Variants in INSL3 observed in about 807,000 individuals in gnomAD.
INSL3 encodes insulin-like 3.
INSL3 carries 6 observed loss-of-function variants against 5.5 expected under a neutral mutation model. That is an observed-to-expected ratio of 1.08 (90% CI 0.59 to 2.14). The LOEUF (loss-of-function observed/expected upper bound fraction) is 2.14. INSL3 is among the 30% of genes most tolerant of loss of function. The pLI, the probability that INSL3 is intolerant of heterozygous loss-of-function variation, is 0.00. For synonymous variants in INSL3, 86 were observed against 82.1 expected (o/e 1.05, Z -0.26); for missense variants, 178 against 184.7 (o/e 0.96, Z 0.21).
At chr19:17,818,728 G>T (rs560273818) in intron 1 of INSL3, among the ~76,000 whole-genome samples, 2 of 152,204 alleles carry the variant, frequency 1.3e-5, no homozygotes, top group African/African-American at 4.8e-5. Context: ...GTTTCCAGGG[G>T]ATACTTGTCT....
chr19:17,817,202 G>A, intron 1 of INSL3, 143 bp from the exon 2 acceptor site: 3 of 859,914 alleles, frequency 3.5e-6, no homozygotes, highest in South Asian at 1.4e-5. Context: ...CACTGGCCGG[G>A]TGCAGTGGCT....
intron 1 of INSL3, among the ~76,000 whole-genome samples, chr19:17,817,547 A>G (rs2094189718): frequency 1.3e-5 from 2 of 149,502 alleles, no homozygotes; most frequent in East Asian, 2.0e-4. Context: ...TAATCCCAGC[A>G]CTTTGGGAGG....
rs141871618 is a variant in INSL3 at position 17,817,006 on chromosome 19, C to T, written c.244G>A (p.Asp82Asn). 48 of 1,613,834 alleles carry T rather than the reference C, an allele frequency of 3.0e-5. No homozygotes were observed. Among genetic ancestry groups the T allele is most frequent in the Admixed American group, 1.8e-4 (11 of 60,010 alleles). The stretch of plus-strand genomic sequence containing the variant: ...CCAGGTCCCAGCGTGAGATTACTGT[C>T]GGCCACCAGCCCATGGAGCAGATGT... Reference protein sequence around the residue: ...RRHLLHGLVADSNLTLGPGLQ... With the variant: ...RRHLLHGLVANSNLTLGPGLQ... Residue 82 changes from aspartate (D) to asparagine (N), a missense_variant, in exon 2 of 2, where the codon GAC becomes AAC. Coordinates refer to ENST00000317306, the MANE Select transcript of INSL3 (RefSeq NM_005543.4).
intron 1 of INSL3, among the ~76,000 whole-genome samples, chr19:17,819,615 G>A (rs919406106): frequency 3.9e-5 from 6 of 152,010 alleles, no homozygotes; most frequent in African/African-American, 1.4e-4. Flanking sequence ...GCCGAGGCAG[G>A]TGGATCACGA....
At chr19:17,817,357 C>T (rs1310843982) in intron 1 of INSL3, among the ~76,000 whole-genome samples, 8 of 150,086 alleles carry the variant, frequency 5.3e-5, no homozygotes, top group African/African-American at 1.2e-4. Flanking sequence ...TGGTGGCGGG[C>T]GCCTGTAGTC....
At chr19:17,818,249 G>T (rs1599856279) in intron 1 of INSL3, among the ~76,000 whole-genome samples, 1 of 152,122 alleles carries the variant, frequency 6.6e-6, no homozygotes, top group African/African-American at 2.4e-5. Flanking sequence ...TAACACATCT[G>T]CACAAACTTG....
chr19:17,816,757 G>A lies in INSL3; in HGVS notation c.*97C>T. 5.0e-6 allele frequency: 6 copies of A among 1,205,204 alleles called. No individual in the cohort carries two copies. The highest frequency in any genetic ancestry group is 7.3e-6 in the Non-Finnish European group (6 of 826,160). 74.7% of individuals were successfully genotyped at this position (1,205,204 alleles called of 1,614,324 possible). A position where few individuals can be genotyped will look rare whatever the true frequency, so the allele number is the denominator to read the frequency against. Reference sequence around the variant, plus strand: ...CATCCCAGGAGGTAATCAAAGGCCTGTAGATGCGAGACTTTATGGTGCTGT... The same window carrying A: ...CATCCCAGGAGGTAATCAAAGGCCTATAGATGCGAGACTTTATGGTGCTGT... On this transcript the variant is annotated 3_prime_UTR_variant, in exon 2 of 2. Transcript: ENST00000317306.
chr19:17,818,068 G>C (rs965414165), intron 1 of INSL3, among the ~76,000 whole-genome samples: 4 of 152,002 alleles, frequency 2.6e-5, no homozygotes, highest in African/African-American at 9.7e-5. Context: ...GTGGTACAGA[G>C]ACATGCAGGG....
At chr19:17,818,118 G>A (rs2057076366) in intron 1 of INSL3, among the ~76,000 whole-genome samples, 1 of 152,020 alleles carries the variant, frequency 6.6e-6, no homozygotes, top group African/African-American at 2.4e-5. Flanking sequence ...GGTCACCCAC[G>A]CATGTGTGGT....
chr19:17,820,399 G>T (rs1396945981), intron 1 of INSL3: 6 of 407,512 alleles, frequency 1.5e-5, no homozygotes, highest in African/African-American at 1.3e-4. Context: ...GACTCACATC[G>T]CTAATCCCAA....
chr19:17,821,399 G>A lies in INSL3; in HGVS notation c.108C>T (p.His36=), dbSNP rs768355756. The A allele has an allele frequency of 1.2e-5, 18 of 1,548,178 alleles. No homozygotes were observed. Among genetic ancestry groups the A allele is most frequent in the South Asian group, 4.8e-5 (4 of 83,964 alleles). ...CGCGCACTAGCGCGCGTACGAAGTGGTGGCCGCACAACTTCTCACGCATCT... is the reference window on the plus strand; with the variant it reads ...CGCGCACTAGCGCGCGTACGAAGTGATGGCCGCACAACTTCTCACGCATCT... ...TPEMREKLCG[H]HFVRALVRVC... The change falls in exon 1 of 2, where the codon CAC becomes CAT. Residue 36 remains histidine (H), a synonymous_variant. Coordinates refer to ENST00000317306, the MANE Select transcript of INSL3 (RefSeq NM_005543.4).
chr19:17,820,332 G>GAAAAGCAATACTTTTC (rs1171868630), intron 1 of INSL3: 1 of 358,742 alleles, frequency 2.8e-6, no homozygotes, highest in African/African-American at 2.3e-5. Context: ...ACATAATTGT[G>GAAAAGCAATACTTTTC]AAAAGCAATA....
Position 17,816,992 on chromosome 19 carries a change from C to A in INSL3, c.258G>T (p.Thr86=). Residue 86 remains threonine (T), a synonymous_variant, in exon 2 of 2, where the codon ACG becomes ACT. Transcript: ENST00000317306. ...LHGLVADSNL[T]LGPGLQPLPQ... ...GCAGGGGCTGCAGGCCAGGTCCCAG[C>A]GTGAGATTACTGTCGGCCACCAGCC... 6.2e-7 allele frequency: 1 copy of A among 1,613,928 alleles called. No individual in the cohort carries two copies. The highest frequency in any genetic ancestry group is 8.5e-7 in the Non-Finnish European group (1 of 1,179,944).
At chr19:17,819,828 C>A (rs1000083714) in intron 1 of INSL3, among the ~76,000 whole-genome samples, 2 of 151,452 alleles carry the variant, frequency 1.3e-5, no homozygotes, top group African/African-American at 2.4e-5. Context: ...GGGGACAGAG[C>A]GAGACTCAAT....
intron 1 of INSL3, among the ~76,000 whole-genome samples, chr19:17,820,214 G>A (rs1194081155): frequency 1.3e-5 from 2 of 152,170 alleles, no homozygotes; most frequent in Non-Finnish European, 2.9e-5. Flanking sequence ...AACCCGGGAG[G>A]CAGAGGTTGC....
At chr19:17,820,320 T>C (rs1420150727) in intron 1 of INSL3, 1 of 345,854 alleles carries the variant, frequency 2.9e-6, no homozygotes, top group Admixed American at 4.3e-5. Context: ...TAAAATAAAG[T>C]AACATAATTG....
At chr19:17,817,199 C>T (rs919558091) in intron 1 of INSL3, 140 bp from the exon 2 acceptor site, 14 of 875,258 alleles carry the variant, frequency 1.6e-5, no homozygotes, top group South Asian at 4.3e-5. Context: ...GAGCACTGGC[C>T]GGGTGCAGTG....
At chr19:17,819,530 A>C (rs1459300147) in intron 1 of INSL3, among the ~76,000 whole-genome samples, 1 of 151,978 alleles carries the variant, frequency 6.6e-6, no homozygotes, top group East Asian at 1.9e-4. Flanking sequence ...CGGGCAGATC[A>C]CCTGAGGTCA....
intron 1 of INSL3, among the ~76,000 whole-genome samples, chr19:17,820,881 T>C (rs1435965936): frequency 6.6e-6 from 1 of 150,842 alleles, no homozygotes; most frequent in Non-Finnish European, 1.5e-5. Flanking sequence ...TGGCATGATA[T>C]CGGCCCACTG....
Sources: gnomAD v4.1 joint callset for allele counts (sites outside exome capture counted in the v4.1 genomes callset) on GRCh38, gnomAD v4.1.1 for gene constraint, MANE v1.5 for transcripts, NCBI Gene and HGNC (gene_info 2026-07-23, HGNC 2026-07-21) for gene names.